DLG1: variants seen among roughly 807,000 people sequenced by gnomAD.
DLG1 encodes discs large MAGUK scaffold protein 1.
In DLG1, 42 loss-of-function variants were observed where a neutral mutation model predicts 123.4. The observed-to-expected ratio is 0.34, with a 90% confidence interval of 0.27 to 0.44. DLG1 has a LOEUF of 0.44. Ranked by LOEUF, DLG1 falls within the 20% of genes least tolerant of loss-of-function variation. DLG1 has a pLI of 1.00. For missense variants in DLG1, 942 were observed against 1,082.6 expected (o/e 0.87, Z 1.82); for synonymous variants, 317 against 356.2 (o/e 0.89, Z 1.24).
intron 3 of DLG1, among the ~76,000 whole-genome samples, chr3:197,289,341 T>TAC (rs56319334): frequency 0.061 from 9,096 of 150,258 alleles, 279 homozygotes; most frequent in Non-Finnish European, 0.067. Flanking sequence ...TACACGCGCA[T>TAC]ACACACACAC....
At chr3:197,197,040 C>T (rs1043595459) in intron 4 of DLG1, among the ~76,000 whole-genome samples, 1 of 152,070 alleles carries the variant, frequency 6.6e-6, no homozygotes, top group African/African-American at 2.4e-5. Context: ...AAAACTATGT[C>T]TTTTAAGTAT....
chr3:197,257,044 T>C (rs1757199207), intron 4 of DLG1, among the ~76,000 whole-genome samples: 1 of 152,176 alleles, frequency 6.6e-6, no homozygotes, highest in Admixed American at 6.5e-5. Flanking sequence ...GAGGGCAGCA[T>C]TTCTATTCAC....
At chr3:197,226,986 A>C (rs1740303947) in intron 4 of DLG1, among the ~76,000 whole-genome samples, 1 of 152,216 alleles carries the variant, frequency 6.6e-6, no homozygotes, top group African/African-American at 2.4e-5. Context: ...CATCTTATGC[A>C]GTACCTTCGC....
rs1041309810 is a variant in DLG1, at chr3:197,177,142, T to C, written c.483+17283A>G. Among the ~76,000 whole-genome samples the C allele has an allele frequency of 1.8e-4, 27 of 152,084 alleles. 1 individual carries two copies. Among genetic ancestry groups the C allele is most frequent in the Admixed American group, 7.9e-4 (12 of 15,258 alleles). ...ATTTTTTGTGTCAAAGGGGGAACAA[T>C]TGATTTCCAAGTCTGAGTCATCATA... is the stretch of plus-strand genomic sequence containing the variant. On this transcript the variant is annotated intron_variant, in intron 5 of 24. Transcript: ENST00000667157.
At position 197,081,131 on chromosome 3, in the gene DLG1, G is replaced by C; in HGVS notation, c.1839-14C>G. On this transcript the variant is annotated splice_polypyrimidine_tract_variant and intron_variant, in intron 16 of 24. Coordinates refer to ENST00000667157, the MANE Select transcript of DLG1 (RefSeq NM_001366207.1). ...TTCTTCTCAACTCTGTCAAAGTATA[G>C]AATGTTATTTTTTAAGTAAACCAAA... is the stretch of plus-strand genomic sequence containing the variant. 1.9e-6 allele frequency: 3 copies of C among 1,607,048 alleles called. No individual in the cohort carries two copies. The highest frequency in any genetic ancestry group is 2.5e-6 in the Non-Finnish European group (3 of 1,176,936).
At chr3:197,129,140 A>G (rs1343119282) in intron 11 of DLG1, among the ~76,000 whole-genome samples, 1 of 152,242 alleles carries the variant, frequency 6.6e-6, no homozygotes, top group Admixed American at 6.5e-5. Context: ...TAGCTGTGAA[A>G]GTCCTAAAAG....
intron 22 of DLG1, among the ~76,000 whole-genome samples, chr3:197,060,325 G>T (rs899058748): frequency 2.0e-5 from 3 of 152,094 alleles, no homozygotes; most frequent in Non-Finnish European, 4.4e-5. Flanking sequence ...AAGGGACGGG[G>T]TCTTGTTCTG....
intron 5 of DLG1, among the ~76,000 whole-genome samples, chr3:197,159,698 G>A (rs549228936): frequency 7.2e-4 from 109 of 152,166 alleles, no homozygotes; most frequent in Non-Finnish European, 1.4e-3. Flanking sequence ...TCACTAATTA[G>A]GAACACACTT....
intron 4 of DLG1, among the ~76,000 whole-genome samples, chr3:197,277,332 C>T (rs1314760112): frequency 6.8e-6 from 1 of 147,818 alleles, no homozygotes; most frequent in Non-Finnish European, 1.5e-5. Context: ...CCTACTCTTT[C>T]ATCTTGCCTT....
chr3:197,111,066 C>T lies in DLG1; in HGVS notation c.1443+4861G>A, dbSNP rs142436594. ...TTTCCTTTTAAGTTTATTGATCGGT[C>T]TACTATTTCCTAGTGCTTTTAGGGC... On this transcript the variant is annotated intron_variant, in intron 13 of 24. Transcript: ENST00000667157. Among the ~76,000 whole-genome samples the T allele has an allele frequency of 1.7e-3, 253 of 152,274 alleles. 7 individuals carry two copies. The highest frequency in any genetic ancestry group is 6.8e-3 in the Middle Eastern group (2 of 294).
chr3:197,241,150 T>C (rs1578551770), intron 4 of DLG1, among the ~76,000 whole-genome samples: 2 of 151,696 alleles, frequency 1.3e-5, no homozygotes, highest in East Asian at 1.9e-4. Flanking sequence ...AAAGCAGCAA[T>C]AGAAAAGAAA....
intron 5 of DLG1, among the ~76,000 whole-genome samples, chr3:197,159,018 T>G (rs1469679511): frequency 6.6e-6 from 1 of 152,168 alleles, no homozygotes; most frequent in Non-Finnish European, 1.5e-5. Context: ...ACACTCCCAG[T>G]AAGAAGAACT....
At chr3:197,164,227 T>TA (rs572647025) in intron 5 of DLG1, among the ~76,000 whole-genome samples, 1,501 of 142,960 alleles carry the variant, frequency 0.01, 18 homozygotes, top group African/African-American at 0.032. Flanking sequence ...CCATCTCTAC[T>TA]AAAAAAAAAA....
intron 4 of DLG1, among the ~76,000 whole-genome samples, chr3:197,196,868 T>C (rs889581951): frequency 3.3e-5 from 5 of 152,242 alleles, no homozygotes; most frequent in Non-Finnish European, 7.3e-5. Context: ...TTTAAAATTT[T>C]ATATAAATGC....
At chr3:197,294,148 A>G (rs1776249426) in intron 3 of DLG1, among the ~76,000 whole-genome samples, 1 of 152,176 alleles carries the variant, frequency 6.6e-6, no homozygotes, top group Non-Finnish European at 1.5e-5. Context: ...ATTCCGTAGT[A>G]TCAACAATTA....
intron 4 of DLG1, among the ~76,000 whole-genome samples, chr3:197,256,248 G>A (rs1756836610): frequency 6.6e-6 from 1 of 152,236 alleles, no homozygotes; most frequent in Non-Finnish European, 1.5e-5. Context: ...CAGCTTTGCA[G>A]GCCATATGCT....
At chr3:197,270,598 T>TAGTGA (rs1358087686) in intron 4 of DLG1, among the ~76,000 whole-genome samples, 1 of 152,144 alleles carries the variant, frequency 6.6e-6, no homozygotes, top group East Asian at 1.9e-4. Flanking sequence ...ACCTCAAATG[T>TAGTGA]AGTGATTTGG....
In DLG1 at chr3:197,089,639, A is replaced by C. The variant is rs566718569; in HGVS notation, c.1661+1273T>G. Among the ~76,000 whole-genome samples, 19 of 152,192 alleles carry C rather than the reference A, an allele frequency of 1.2e-4. No individual in the cohort carries two copies. In the South Asian group the frequency reaches 3.9e-3, roughly 31 times the overall value. On this transcript the variant is annotated intron_variant, in intron 15 of 24. Transcript: ENST00000667157. Reference sequence around the variant, plus strand: ...TATAACCTATTATGTTCTGATTTTTATGCCTTTGTAAATATTTAATCAAGT... The same window carrying C: ...TATAACCTATTATGTTCTGATTTTTCTGCCTTTGTAAATATTTAATCAAGT...
At chr3:197,086,417 A>AC (rs754538676) in intron 15 of DLG1, among the ~76,000 whole-genome samples, 2 of 152,242 alleles carry the variant, frequency 1.3e-5, no homozygotes, top group Non-Finnish European at 2.9e-5. Context: ...ATTAATGTAC[A>AC]ACATTAAAAT....
Sources: gnomAD v4.1 joint callset for allele counts (sites outside exome capture counted in the v4.1 genomes callset) on GRCh38, gnomAD v4.1.1 for gene constraint, MANE v1.5 for transcripts, NCBI Gene and HGNC (gene_info 2026-07-23, HGNC 2026-07-21) for gene names.